GABRG3: variants seen among roughly 807,000 people sequenced by gnomAD.
GABRG3 encodes the protein gamma-aminobutyric acid receptor subunit gamma-3.
GABRG3 carries 25 observed loss-of-function variants against 48.8 expected under a neutral mutation model. The ratio of observed to expected loss-of-function variants is 0.51; its 90% CI spans 0.37 to 0.72. The LOEUF (loss-of-function observed/expected upper bound fraction) is 0.72. Ranked by LOEUF, GABRG3 falls within the 30% of genes least tolerant of loss-of-function variation. The probability of loss-of-function intolerance (pLI) is 0.00; values close to 1 mark genes in which losing one functional copy is unlikely to be tolerated. For missense variants in GABRG3, 394 were observed against 577.9 expected (o/e 0.68, Z 3.26); for synonymous variants, 227 against 217.6 (o/e 1.04, Z -0.38).
At chr15:27,456,826 C>T (rs546509920) in intron 5 of GABRG3, among the ~76,000 whole-genome samples, 1 of 152,288 alleles carries the variant, frequency 6.6e-6, no homozygotes, top group Admixed American at 6.5e-5. Flanking sequence ...GCTTGCTGCC[C>T]GTGCCAGGAG....
At chr15:27,037,675 T>C (rs1185838368) in intron 3 of GABRG3, among the ~76,000 whole-genome samples, 1 of 152,150 alleles carries the variant, frequency 6.6e-6, no homozygotes, top group Non-Finnish European at 1.5e-5. Flanking sequence ...CTGGGGCCCA[T>C]TGGATGAGGG....
intron 5 of GABRG3, among the ~76,000 whole-genome samples, chr15:27,380,826 C>T (rs546303413): frequency 4.8e-5 from 7 of 146,236 alleles, no homozygotes; most frequent in South Asian, 2.2e-4. Flanking sequence ...AGTGCAGTGG[C>T]GTAATCTCGG....
At chr15:26,979,452 C>G (rs1895012469) in intron 2 of GABRG3, among the ~76,000 whole-genome samples, 1 of 152,054 alleles carries the variant, frequency 6.6e-6, no homozygotes, top group Non-Finnish European at 1.5e-5. Context: ...CAGTCTTTCC[C>G]CATAAAGTAT....
intron 3 of GABRG3, among the ~76,000 whole-genome samples, chr15:27,150,457 C>T (rs959727750): frequency 4.6e-5 from 7 of 152,096 alleles, no homozygotes; most frequent in Admixed American, 1.3e-4. Context: ...ATTCCGTAGG[C>T]AATAGTTAAC....
At chr15:27,070,653 T>C (rs1896812165) in intron 3 of GABRG3, among the ~76,000 whole-genome samples, 1 of 152,210 alleles carries the variant, frequency 6.6e-6, no homozygotes, top group Non-Finnish European at 1.5e-5. Context: ...ACAATTTGTA[T>C]AAATGAAAAA....
At chr15:27,522,778 T>C (rs951599359) in intron 7 of GABRG3, among the ~76,000 whole-genome samples, 18 of 152,030 alleles carry the variant, frequency 1.2e-4, no homozygotes, top group African/African-American at 4.1e-4. Flanking sequence ...TAAATGTGCC[T>C]GTGCCTAGTA....
At chr15:27,277,627 T>C (rs1165614569) in intron 3 of GABRG3, among the ~76,000 whole-genome samples, 1 of 152,210 alleles carries the variant, frequency 6.6e-6, no homozygotes, top group East Asian at 1.9e-4. Flanking sequence ...TTGGTGACAT[T>C]GGTGACTGCA....
chr15:27,175,584 G>T (rs1308952604), intron 3 of GABRG3, among the ~76,000 whole-genome samples: 1 of 152,222 alleles, frequency 6.6e-6, no homozygotes, highest in Admixed American at 6.5e-5. Flanking sequence ...ACTAAAAGCA[G>T]TCTGATTAGA....
At position 27,310,232 on chromosome 15, in the gene GABRG3, T is replaced by C. The variant is rs182979715; in HGVS notation, c.271-16577T>C. Among the ~76,000 whole-genome samples the C allele has an allele frequency of 1.5e-4, 23 of 151,948 alleles. No homozygotes were observed. The East Asian group carries it at 3.7e-3, about 24-fold the overall frequency. ...GCAGAAGGGAGTTTTGGGCAGGGGGTGATAGAACTATTGTGTGTCCTGATT... is the reference window on the plus strand; with the variant it reads ...GCAGAAGGGAGTTTTGGGCAGGGGGCGATAGAACTATTGTGTGTCCTGATT... On this transcript the variant is annotated intron_variant, in intron 3 of 9. Transcript: ENST00000615808.
At chr15:27,228,047 A>G (rs113008002) in intron 3 of GABRG3, among the ~76,000 whole-genome samples, 1 of 152,238 alleles carries the variant, frequency 6.6e-6, no homozygotes, top group African/African-American at 2.4e-5. Context: ...ACATTTTAGC[A>G]CCAATGAAAT....
rs537489588 is a variant in GABRG3 at position 27,369,113 on chromosome 15, T to A, written c.574+40225T>A. Among the ~76,000 whole-genome samples, 34 of 152,368 alleles carry A rather than the reference T, an allele frequency of 2.2e-4. No individual in the cohort carries two copies. In the South Asian group the frequency reaches 6.6e-3, roughly 30 times the overall value. Reference sequence around the variant, plus strand: ...TAATATTAAAATGCACTAAGCAACTTAATTACATGGATGATTTAAAGGATT... The same window carrying A: ...TAATATTAAAATGCACTAAGCAACTAAATTACATGGATGATTTAAAGGATT... On this transcript the variant is annotated intron_variant, in intron 5 of 9. Transcript: ENST00000615808.
At chr15:27,108,098 T>A (rs1030492987) in intron 3 of GABRG3, among the ~76,000 whole-genome samples, 4 of 152,050 alleles carry the variant, frequency 2.6e-5, no homozygotes, top group African/African-American at 9.7e-5. Context: ...TCCTTTCATC[T>A]GTTTGTTTTA....
At chr15:27,419,720 A>G (rs1263312688) in intron 5 of GABRG3, among the ~76,000 whole-genome samples, 2 of 152,146 alleles carry the variant, frequency 1.3e-5, no homozygotes, top group African/African-American at 2.4e-5. Context: ...GAGGTAAGAG[A>G]TGGTTAGCAG....
At chr15:27,455,202 C>T (rs371184457) in intron 5 of GABRG3, among the ~76,000 whole-genome samples, 1 of 152,334 alleles carries the variant, frequency 6.6e-6, no homozygotes. Context: ...CTGGCTATCA[C>T]GGTCCTGTGG....
chr15:27,274,212 G>A (rs1019532532), intron 3 of GABRG3, among the ~76,000 whole-genome samples: 4 of 152,174 alleles, frequency 2.6e-5, no homozygotes, highest in Non-Finnish European at 4.4e-5. Context: ...TGCATGGTCC[G>A]ACTGCTTGTC....
chr15:27,034,512 G>A (rs1054100829), intron 3 of GABRG3, among the ~76,000 whole-genome samples: 6 of 152,022 alleles, frequency 3.9e-5, no homozygotes, highest in South Asian at 2.1e-4. Context: ...AATATTTAAG[G>A]TATACATGTT....
At chr15:27,516,242 A>G (rs1322932949) in intron 6 of GABRG3, among the ~76,000 whole-genome samples, 4 of 152,180 alleles carry the variant, frequency 2.6e-5, no homozygotes, top group Admixed American at 6.5e-5. Flanking sequence ...TAAATGTACC[A>G]TGTCCTTGTA....
At chr15:27,112,674 A>G (rs748150492) in intron 3 of GABRG3, among the ~76,000 whole-genome samples, 2 of 152,082 alleles carry the variant, frequency 1.3e-5, no homozygotes, top group Admixed American at 1.3e-4. Flanking sequence ...TCCTGAGCTC[A>G]AGTGATATGC....
rs1352694243 is a variant in GABRG3, at chr15:26,975,552, T to C, written c.54-1450T>C. On this transcript the variant is annotated intron_variant, in intron 1 of 9. Transcript: ENST00000615808. This position sits in a 1 kb window ranked among gnomAD's most constrained non-coding sequence, Gnocchi z 4.6. Reference sequence around the variant, plus strand: ...CTGGCCAACACTCTAGTCTACGTTATGGCTAGTTAACACGCTTTAAAAGAC... The same window carrying C: ...CTGGCCAACACTCTAGTCTACGTTACGGCTAGTTAACACGCTTTAAAAGAC... Among the ~76,000 whole-genome samples, 2 of 152,234 alleles carry C rather than the reference T, an allele frequency of 1.3e-5. No individual in the cohort carries two copies. Among genetic ancestry groups the C allele is most frequent in the African/African-American group, 4.8e-5 (2 of 41,474 alleles).
Sources: gnomAD v4.1 joint callset for allele counts (sites outside exome capture counted in the v4.1 genomes callset) on GRCh38, gnomAD v4.1.1 for gene constraint, Gnocchi (gnomAD v3.1) non-coding constraint, MANE v1.5 for transcripts, NCBI Gene and HGNC (gene_info 2026-07-23, HGNC 2026-07-21) for gene names.